Variants in ZNF248 observed in about 807,000 individuals in gnomAD.
ZNF248 encodes zinc finger protein 248.
Under a neutral mutation model 44.3 loss-of-function variants are expected in ZNF248, and 20 were observed. That is an observed-to-expected ratio of 0.45 (90% CI 0.32 to 0.66). ZNF248 has a LOEUF of 0.66. ZNF248 is among the 30% of genes least tolerant of loss of function. The probability of loss-of-function intolerance (pLI) is 0.04; values close to 1 mark genes in which losing one functional copy is unlikely to be tolerated. For missense variants in ZNF248, 654 were observed against 677.0 expected (o/e 0.97, Z 0.38); for synonymous variants, 224 against 229.0 (o/e 0.98, Z 0.20).
At chr10:37,761,555 A>T in the ZNF248 span, among the ~76,000 whole-genome samples, 1 of 152,188 alleles carries the variant, frequency 6.6e-6, no homozygotes, top group South Asian at 2.1e-4. Flanking sequence ...TTTCCAAGTG[A>T]TTTTCTTGTG....
At chr10:37,823,204 C>T (rs1426007218) in intron 6 of ZNF248, among the ~76,000 whole-genome samples, 3 of 151,290 alleles carry the variant, frequency 2.0e-5, no homozygotes, top group South Asian at 2.1e-4. Context: ...CATGGTGGCA[C>T]GTGCCTGTAG....
chr10:37,769,456 G>A, the ZNF248 span, among the ~76,000 whole-genome samples: 1 of 152,116 alleles, frequency 6.6e-6, no homozygotes, highest in Non-Finnish European at 1.5e-5. Flanking sequence ...TGGAATGCAA[G>A]GCTGGTTCAA....
At chr10:37,819,945 G>GTAAACTACTACACTTT (rs1326492865) in intron 6 of ZNF248, 1 of 769,784 alleles carries the variant, frequency 1.3e-6, no homozygotes, top group Non-Finnish European at 2.4e-6. Flanking sequence ...CCCCATGTCG[G>GTAAACTACTACACTTT]ACAGTAGTAA....
chr10:37,764,943 C>T, the ZNF248 span, among the ~76,000 whole-genome samples: 1 of 151,672 alleles, frequency 6.6e-6, no homozygotes, highest in Non-Finnish European at 1.5e-5. Context: ...ATTAAAACAC[C>T]TAAGACACTT....
At chr10:37,799,799 G>T (rs1347270712) in intron 6 of ZNF248, among the ~76,000 whole-genome samples, 1 of 152,148 alleles carries the variant, frequency 6.6e-6, no homozygotes, top group East Asian at 1.9e-4. Context: ...AATAACTAGG[G>T]TTGGTTGCAA....
the ZNF248 span, among the ~76,000 whole-genome samples, chr10:37,763,506 C>G: frequency 6.6e-6 from 1 of 152,146 alleles, no homozygotes; most frequent in African/African-American, 2.4e-5. Flanking sequence ...TCCCACAGGC[C>G]TTTGGCTACC....
At chr10:37,767,966 G>C in the ZNF248 span, among the ~76,000 whole-genome samples, 4 of 151,920 alleles carry the variant, frequency 2.6e-5, no homozygotes, top group Non-Finnish European at 5.9e-5. Flanking sequence ...AAAAGGGAGG[G>C]GTTGCAATCC....
Position 37,831,519 on chromosome 10 carries a change from C to A in ZNF248, c.*96G>T. The A allele has an allele frequency of 1.3e-6, 2 of 1,491,996 alleles. No homozygotes were observed. Among genetic ancestry groups the A allele is most frequent in the South Asian group, 2.8e-5 (2 of 71,148 alleles). The allele number at this position is 1,491,996 out of a possible 1,614,324, so 92.4% of individuals were successfully genotyped here. ...GCTTTTACATATTCAAACAAGAAGT[C>A]ATTTTCTACAAATTTCTGACATTCT... On this transcript the variant is annotated 3_prime_UTR_variant, in exon 6 of 6. Transcript: ENST00000395867.
chr10:37,782,374 A>AGATAAG (rs2047413711), intron 6 of ZNF248, among the ~76,000 whole-genome samples: 1 of 152,146 alleles, frequency 6.6e-6, no homozygotes, highest in African/African-American at 2.4e-5. Context: ...GGTTAGAGTT[A>AGATAAG]ATGCTGTAAT....
chr10:37,769,986 A>G, the ZNF248 span, among the ~76,000 whole-genome samples: 1 of 152,190 alleles, frequency 6.6e-6, no homozygotes, highest in Non-Finnish European at 1.5e-5. Context: ...ATAACAGACA[A>G]ACAGAGAGCC....
At chr10:37,838,440 A>C (rs1282051030) in intron 3 of ZNF248, among the ~76,000 whole-genome samples, 2 of 152,246 alleles carry the variant, frequency 1.3e-5, no homozygotes, top group African/African-American at 2.4e-5. Context: ...AGGAGATTGA[A>C]GTTACAGAGG....
intron 6 of ZNF248, chr10:37,795,599 C>T (rs182594516): frequency 6.6e-6 from 1 of 152,162 alleles, no homozygotes; most frequent in Admixed American, 6.5e-5. Context: ...AAGCTGAACA[C>T]AGTATTCATT....
At chr10:37,761,651 C>G in the ZNF248 span, among the ~76,000 whole-genome samples, 1 of 152,174 alleles carries the variant, frequency 6.6e-6, no homozygotes, top group Non-Finnish European at 1.5e-5. Flanking sequence ...AAGAATCAGG[C>G]TTGCCACATG....
intron 6 of ZNF248, among the ~76,000 whole-genome samples, chr10:37,810,086 C>T (rs977278420): frequency 6.6e-6 from 1 of 152,144 alleles, no homozygotes; most frequent in East Asian, 1.9e-4. Flanking sequence ...TAAATGCAGA[C>T]CAGGTCTGGA....
At chr10:37,759,500 G>A in the ZNF248 span, among the ~76,000 whole-genome samples, 2 of 152,312 alleles carry the variant, frequency 1.3e-5, no homozygotes, top group African/African-American at 4.8e-5. Context: ...ATGTGTTCCA[G>A]AGCTGTGAAG....
Position 37,820,440 on chromosome 10 carries a change from C to A in ZNF248, c.330+12585G>T. On this transcript the variant is annotated intron_variant, in intron 6 of 6. Coordinates refer to the ZNF248 transcript ENST00000615949. Reference sequence around the variant, plus strand: ...GACTGCTCCTCCGTTGCCTCCTTTGCAGTGCTGCCATCTAAACCACAGAGG... The same window carrying A: ...GACTGCTCCTCCGTTGCCTCCTTTGAAGTGCTGCCATCTAAACCACAGAGG... The A allele has an allele frequency of 1.9e-6, 3 of 1,573,728 alleles. No individual in the cohort carries two copies. In the Admixed American group the frequency reaches 5.0e-5, roughly 26 times the overall value.
At position 37,832,155 on chromosome 10, in the gene ZNF248, T is replaced by A; in HGVS notation, c.1200A>T (p.Arg400Ser). The A allele has an allele frequency of 1.9e-6, 3 of 1,614,078 alleles. No homozygotes were observed. Among genetic ancestry groups the A allele is most frequent in the Non-Finnish European group, 2.5e-6 (3 of 1,179,976 alleles). ...WEKSNLTQHQ[R>S]THTGEKPYEC... ...CATAGGGCTTCTCTCCTGTGTGTGT[T>A]CTCTGATGTTGAGTGAGGTTTGACT... The change falls in exon 6 of 6, where the codon AGA (arginine) becomes AGT (serine). Residue 400 changes from arginine (R) to serine (S), a missense_variant. Arg to Ser is a moderately radical substitution (Grantham distance 110). Transcript: ENST00000395867.
At chr10:37,837,467 G>C in intron 5 of ZNF248, 150 bp downstream of exon 5, 1 of 644,242 alleles carries the variant, frequency 1.6e-6, no homozygotes, top group Non-Finnish European at 2.7e-6. Flanking sequence ...AAGGTAACAG[G>C]GATGTGGGCC....
intron 6 of ZNF248, among the ~76,000 whole-genome samples, chr10:37,792,111 G>A (rs1296827389): frequency 6.6e-6 from 1 of 152,166 alleles, no homozygotes; most frequent in Non-Finnish European, 1.5e-5. Flanking sequence ...AGAGGCAGAT[G>A]AGAAACTGCC....
Sources: gnomAD v4.1 joint callset for allele counts (sites outside exome capture counted in the v4.1 genomes callset) on GRCh38, gnomAD v4.1.1 for gene constraint, MANE v1.5 for transcripts, NCBI Gene and HGNC (gene_info 2026-07-23, HGNC 2026-07-21) for gene names.